The following SKP2 variants were observed in gnomAD, a reference collection of about 807,000 sequenced individuals.
SKP2 encodes the protein S-phase kinase associated protein 2.
A neutral mutation model predicts 51.8 loss-of-function variants in SKP2; 16 were observed. That is an observed-to-expected ratio of 0.31 (90% confidence interval 0.21 to 0.47). The LOEUF (loss-of-function observed/expected upper bound fraction) is 0.47. Among genes scored for constraint, SKP2 ranks in the 20% least tolerant of loss-of-function variants. The pLI is 1.00. For synonymous variants in SKP2, 176 were observed against 198.6 expected (o/e 0.89, Z 0.96); for missense variants, 377 against 505.3 (o/e 0.75, Z 2.43).
intron 2 of SKP2, among the ~76,000 whole-genome samples, chr5:36,153,973 AC>A (rs2111940618): frequency 6.6e-6 from 1 of 152,284 alleles, no homozygotes; most frequent in South Asian, 2.1e-4. Context: ...CTGAGCACAT[AC>A]CATGTGCTAG....
intron 2 of SKP2, among the ~76,000 whole-genome samples, chr5:36,162,311 C>G (rs1008383293): frequency 3.3e-5 from 5 of 152,178 alleles, no homozygotes; most frequent in Non-Finnish European, 7.3e-5. Context: ...CATGCTGTTC[C>G]TTGGATCTAG....
chr5:36,184,512 T>G (rs1745921137), downstream of SKP2, among the ~76,000 whole-genome samples: 1 of 152,152 alleles, frequency 6.6e-6, no homozygotes, highest in Non-Finnish European at 1.5e-5. Flanking sequence ...ACATGTGGTG[T>G]TTGGTTTTTT....
chr5:36,179,550 C>T (rs2112008949), intron 9 of SKP2, among the ~76,000 whole-genome samples: 1 of 152,216 alleles, frequency 6.6e-6, no homozygotes, highest in South Asian at 2.1e-4. Flanking sequence ...CCCTATTTCT[C>T]ATTCAAGTAA....
chr5:36,164,299 C>G (rs1161919373), intron 3 of SKP2, among the ~76,000 whole-genome samples: 1 of 152,146 alleles, frequency 6.6e-6, no homozygotes, highest in South Asian at 2.1e-4. Flanking sequence ...GGTGTAATGC[C>G]TGACTCACAG....
chr5:36,164,385 G>C (rs943750075), intron 3 of SKP2, among the ~76,000 whole-genome samples: 1 of 152,194 alleles, frequency 6.6e-6, no homozygotes, highest in Non-Finnish European at 1.5e-5. Context: ...TGGAAGGTGA[G>C]TTGCATGTGG....
chr5:36,177,587 A>G (rs911343203), intron 9 of SKP2, among the ~76,000 whole-genome samples: 1 of 151,596 alleles, frequency 6.6e-6, no homozygotes, highest in Non-Finnish European at 1.5e-5. Context: ...CTTTTCCTCC[A>G]GGAAACTTGA....
rs1745662281 is a variant in SKP2, at chr5:36,177,192, G to A, written c.961G>A (p.Val321Ile). ...NLVHLDLSDS[V>I]MLKNDCFQEF... ...CTTCTGCCTTCTTAACAGTGATAGT[G>A]TCATGCTAAAGAATGACTGCTTTCA... Residue 321 changes from valine to isoleucine, a missense_variant, in exon 9 of 10, where the codon GTC (valine) becomes ATC (isoleucine). This residue lies in a region of SKP2 where 262 missense variants were observed against 389.8 expected (regional missense o/e 0.67). Transcript: ENST00000274255. The A allele has an allele frequency of 6.2e-7, 1 of 1,600,660 alleles. No individual in the cohort carries two copies. Among genetic ancestry groups the A allele is most frequent in the Admixed American group, 1.7e-5 (1 of 59,892 alleles).
At position 36,182,443 on chromosome 5, in the gene SKP2, A is replaced by G; in HGVS notation, c.*412A>G. The G allele has an allele frequency of 1.0e-6, 1 of 993,316 alleles. No individual in the cohort carries two copies. The highest frequency in any genetic ancestry group is 1.2e-6 in the Non-Finnish European group (1 of 833,610). 61.5% of individuals were successfully genotyped at this position (993,316 alleles called of 1,614,324 possible). On this transcript the variant is annotated 3_prime_UTR_variant, in exon 10 of 10. Coordinates refer to ENST00000274255, the MANE Select transcript of SKP2 (RefSeq NM_005983.4). ...TAATTTTATAGTATTGCTTTATAAG[A>G]CAGCTTAGAAGAACAATAAGCTATT...
chr5:36,183,874 G>C lies in SKP2; in HGVS notation c.*1843G>C. The C allele has an allele frequency of 6.2e-7, 1 of 1,608,898 alleles. No individual in the cohort carries two copies. Among genetic ancestry groups the C allele is most frequent in the Non-Finnish European group, 8.5e-7 (1 of 1,178,876 alleles). On this transcript the variant is annotated 3_prime_UTR_variant, in exon 10 of 10. Coordinates refer to ENST00000274255, the MANE Select transcript of SKP2 (RefSeq NM_005983.4). ...AAGAGCTGGGGTTAGGATCCGGTTG[G>C]ACTCTGACATCGGATGCCCTCAAAC... is the stretch of plus-strand genomic sequence containing the variant.
At position 36,182,016 on chromosome 5, in the gene SKP2, G is replaced by A. The variant is rs773034929; in HGVS notation, c.1260G>A (p.Lys420=). ...TCAAATGCCGACTGACACTGCAAAA[G>A]CCCAGTTGTCTATGAAGTATTTATT... The part of the protein sequence containing the change: ...WGIKCRLTLQ[K]PSCL The change falls in exon 10 of 10, where the codon AAG becomes AAA. Residue 420 remains lysine, a synonymous_variant. Transcript: ENST00000274255. 1.7e-5 allele frequency: 28 copies of A among 1,613,954 alleles called. No homozygotes were observed. In the Middle Eastern group the frequency reaches 6.6e-4, roughly 38 times the overall value.
chr5:36,153,810 C>G (rs1422508493), intron 2 of SKP2, among the ~76,000 whole-genome samples: 2 of 152,204 alleles, frequency 1.3e-5, no homozygotes, highest in East Asian at 1.9e-4. Flanking sequence ...AGCTCCCCAT[C>G]CCCTAGTTCC....
intron 9 of SKP2, among the ~76,000 whole-genome samples, chr5:36,179,310 A>G (rs965259057): frequency 3.3e-5 from 5 of 152,168 alleles, no homozygotes; most frequent in South Asian, 2.1e-4. Context: ...TATAATAAAA[A>G]TTCCAGGATG....
intron 2 of SKP2, among the ~76,000 whole-genome samples, chr5:36,158,829 G>A (rs569536848): frequency 6.6e-6 from 1 of 152,200 alleles, no homozygotes; most frequent in South Asian, 2.1e-4. Context: ...TTTTCTTGAA[G>A]CCCCAGCCCC....
chr5:36,185,111 T>C (rs1254280308), downstream of SKP2, among the ~76,000 whole-genome samples: 14 of 152,264 alleles, frequency 9.2e-5, no homozygotes, highest in African/African-American at 1.4e-4. Flanking sequence ...GATGGGGTGG[T>C]TTTTTTCTTG....
At chr5:36,180,989 A>G (rs1187921215) in intron 9 of SKP2, among the ~76,000 whole-genome samples, 5 of 152,174 alleles carry the variant, frequency 3.3e-5, no homozygotes, top group Non-Finnish European at 5.9e-5. Context: ...GTTAAGAAGG[A>G]AAAAATCATT....
chr5:36,186,628 T>C (rs908458075), downstream of SKP2, among the ~76,000 whole-genome samples: 1 of 152,158 alleles, frequency 6.6e-6, no homozygotes, highest in African/African-American at 2.4e-5. Context: ...CTTTTTGATA[T>C]GCTGCTGGAT....
At chr5:36,178,629 A>C (rs1447420671) in intron 9 of SKP2, among the ~76,000 whole-genome samples, 1 of 151,942 alleles carries the variant, frequency 6.6e-6, no homozygotes, top group African/African-American at 2.4e-5. Context: ...TCTAGCGTCT[A>C]CCCAAAAAGG....
intron 9 of SKP2, 126 bp downstream of exon 9, chr5:36,177,418 A>G (rs1238342127): frequency 1.3e-6 from 1 of 742,224 alleles, no homozygotes; most frequent in Non-Finnish European, 2.5e-6. Flanking sequence ...TATACCACAG[A>G]CTGGCTATGA....
chr5:36,187,942 A>C (rs1042888334), downstream of SKP2, among the ~76,000 whole-genome samples: 1 of 152,180 alleles, frequency 6.6e-6, no homozygotes, highest in Non-Finnish European at 1.5e-5. Context: ...ATATATATTT[A>C]GGATAGTTAG....
Sources: gnomAD v4.1 joint callset for allele counts (sites outside exome capture counted in the v4.1 genomes callset) on GRCh38, gnomAD v4.1.1 for gene constraint, gnomAD v4.1.1 regional missense constraint, MANE v1.5 for transcripts, NCBI Gene and HGNC (gene_info 2026-07-23, HGNC 2026-07-21) for gene names.